The following PSG5 variants were observed in gnomAD, a reference collection of about 807,000 sequenced individuals.
PSG5 encodes the protein pregnancy-specific beta-1-glycoprotein 5.
In PSG5, 53 loss-of-function variants were observed where a neutral mutation model predicts 37.7. The ratio of observed to expected loss-of-function variants is 1.41; its 90% CI spans 1.13 to 1.77. The LOEUF (loss-of-function observed/expected upper bound fraction) is 1.77, where lower values mean the gene tolerates loss of function less well. PSG5 is among the 40% of genes most tolerant of loss of function. The pLI is 0.00. For missense variants in PSG5, 547 were observed against 405.2 expected (o/e 1.35, Z -3.00); for synonymous variants, 221 against 155.4 (o/e 1.42, Z -3.14).
intron 1 of PSG5, among the ~76,000 whole-genome samples, chr19:43,186,075 C>T (rs1966932838): frequency 6.6e-6 from 1 of 151,152 alleles, no homozygotes; most frequent in African/African-American, 2.4e-5. Context: ...CTCCCGGGTT[C>T]ATGTGATTTT....
In PSG5 at chr19:43,176,133, G is replaced by C. The variant is rs751814918; in HGVS notation, c.446C>G (p.Pro149Arg). ...TFNLYLKLPK[P>R]YITINNSKPR... ...TTTTGAGTTGTTGATGGTGATGTAGGGCTTGGGCAGCTTCACTGTGTGGAT... is the reference window on the plus strand; with the variant it reads ...TTTTGAGTTGTTGATGGTGATGTAGCGCTTGGGCAGCTTCACTGTGTGGAT... Residue 149 changes from proline to arginine, a missense_variant, in exon 3 of 6, where the codon CCC becomes CGC. Pro to Arg is a moderately radical substitution (Grantham distance 103). Coordinates refer to ENST00000342951, the MANE Select transcript of PSG5 (RefSeq NM_002781.4). The C allele has an allele frequency of 1.9e-5, 31 of 1,611,202 alleles. 1 individual carries two copies. The East Asian group carries it at 6.9e-4, about 36-fold the overall frequency.
Position 43,176,141 on chromosome 19 carries a change from C to G in PSG5, c.438G>C (p.Leu146=), listed in dbSNP as rs757091136. ...GYFTFNLYLK[L]PKPYITINNS... ...TGTTGATGGTGATGTAGGGCTTGGG[C>G]AGCTTCACTGTGTGGATAACAGAGA... Residue 146 remains leucine (L), a synonymous_variant, in exon 3 of 6, where the codon CTG becomes CTC. Coordinates refer to ENST00000342951, the MANE Select transcript of PSG5 (RefSeq NM_002781.4). 2 of 1,611,210 alleles carry G rather than the reference C, an allele frequency of 1.2e-6. No individual in the cohort carries two copies. The highest frequency in any genetic ancestry group is 1.7e-6 in the Non-Finnish European group (2 of 1,179,126).
intron 2 of PSG5, chr19:43,179,037 C>A: frequency 6.2e-7 from 1 of 1,612,692 alleles, no homozygotes; most frequent in Non-Finnish European, 8.5e-7. Flanking sequence ...GAGGCTCTGA[C>A]CATTCATCCA....
chr19:43,181,277 A>G (rs187427450), intron 2 of PSG5, among the ~76,000 whole-genome samples: 2 of 151,704 alleles, frequency 1.3e-5, no homozygotes, highest in Non-Finnish European at 2.9e-5. Context: ...AAAAATTGCT[A>G]TTGCCAAAAC....
At chr19:43,177,698 G>T (rs1349717751) in intron 2 of PSG5, among the ~76,000 whole-genome samples, 1 of 151,474 alleles carries the variant, frequency 6.6e-6, no homozygotes, top group Non-Finnish European at 1.5e-5. Flanking sequence ...TGTTGTGGCA[G>T]TCATTAATAA....
Position 43,175,754 on chromosome 19 carries a change from G to A in PSG5, c.709+116C>T, listed in dbSNP as rs1968994905. 2.6e-6 allele frequency: 4 copies of A among 1,544,276 alleles called. No homozygotes were observed. In the Admixed American group the frequency reaches 7.4e-5, roughly 29 times the overall value. On this transcript the variant is annotated intron_variant, in intron 3 of 5. Coordinates refer to ENST00000342951, the MANE Select transcript of PSG5 (RefSeq NM_002781.4). The stretch of plus-strand genomic sequence containing the variant: ...AGGGCAGGGAGTCATGGCCAGCTCA[G>A]ATGTCCAGAAATAAAGGTGTCTATA...
rs1875582607 is a variant in PSG5, at chr19:43,175,411, G to T, written c.768C>A (p.Asn256Lys). The T allele has an allele frequency of 2.5e-6, 4 of 1,612,740 alleles. No individual in the cohort carries two copies. Among genetic ancestry groups the T allele is most frequent in the Admixed American group, 1.7e-5 (1 of 59,908 alleles). ...PSFTYYRSGE[N>K]LYLSCFAESN... ...ATTCCGCGAAGCAGGACAAGTAGAG[G>T]TTTTCTCCTGAACGGTAATAGGTGA... The change falls in exon 4 of 6, where the codon AAC (asparagine) becomes AAA (lysine). Residue 256 changes from asparagine to lysine, a missense_variant. Asn to Lys is a moderately conservative substitution (Grantham distance 94). Transcript: ENST00000342951.
intron 4 of PSG5, among the ~76,000 whole-genome samples, chr19:43,173,207 T>C (rs1409307225): frequency 6.6e-6 from 1 of 151,564 alleles, no homozygotes; most frequent in African/African-American, 2.4e-5. Flanking sequence ...ACACCATGCA[T>C]AAAAATTAAC....
rs1289616448 is a variant in PSG5, at chr19:43,184,944, T to A, written c.268A>T (p.Ile90Leu). ...CGTCCAGTGTATGCAGGCCCATATA[T>A]ATTTATTTGACCGTCTACTACATAT... ...TSYVVDGQIN[I>L]YGPAYTGRET... is the part of the protein sequence containing the mutation. Residue 90 changes from isoleucine to leucine, a missense_variant, in exon 2 of 6, where the codon ATA (isoleucine) becomes TTA (leucine). Transcript: ENST00000342951. The A allele has an allele frequency of 6.2e-7, 1 of 1,612,316 alleles. No homozygotes were observed. The highest frequency in any genetic ancestry group is 8.5e-7 in the Non-Finnish European group (1 of 1,179,134).
Position 43,185,030 on chromosome 19 carries a change from T to G in PSG5, c.182A>C (p.Asn61Thr), listed in dbSNP as rs567836216. The G allele has an allele frequency of 1.6e-5, 26 of 1,612,612 alleles. 1 individual carries two copies. The South Asian group carries it at 2.6e-4, about 16-fold the overall frequency. ...VLLLVHNLPQ[N>T]LAGYIWYKGQ... is the part of the protein sequence containing the mutation. ...TTTGTACCAGATGTAGCCAGCAAGA[T>G]TCTGAGGCAAATTGTGGACAAGTAG... The change falls in exon 2 of 6, where the codon AAT becomes ACT. Residue 61 changes from asparagine (N) to threonine (T), a missense_variant. Coordinates refer to ENST00000342951, the MANE Select transcript of PSG5 (RefSeq NM_002781.4).
chr19:43,176,129 G>A lies in PSG5; in HGVS notation c.450C>T (p.Tyr150=), dbSNP rs766655664. The A allele has an allele frequency of 6.2e-7, 1 of 1,611,388 alleles. No individual in the cohort carries two copies. The highest frequency in any genetic ancestry group is 2.2e-5 in the East Asian group (1 of 44,866). ...FNLYLKLPKP[Y]ITINNSKPRE... ...TGGGTTTTGAGTTGTTGATGGTGATGTAGGGCTTGGGCAGCTTCACTGTGT... is the reference window on the plus strand; with the variant it reads ...TGGGTTTTGAGTTGTTGATGGTGATATAGGGCTTGGGCAGCTTCACTGTGT... The change falls in exon 3 of 6, where the codon TAC becomes TAT. Residue 150 remains tyrosine, a synonymous_variant. Coordinates refer to ENST00000342951, the MANE Select transcript of PSG5 (RefSeq NM_002781.4).
intron 2 of PSG5, among the ~76,000 whole-genome samples, chr19:43,179,368 T>G (rs912314087): frequency 7.9e-5 from 12 of 151,556 alleles, no homozygotes; most frequent in Non-Finnish European, 1.5e-4. Context: ...AGTACAGGCT[T>G]TCTCAAGTGT....
chr19:43,185,633 T>C (rs906077754), intron 1 of PSG5, among the ~76,000 whole-genome samples: 8 of 151,644 alleles, frequency 5.3e-5, no homozygotes, highest in African/African-American at 1.7e-4. Context: ...GCGTGAGCTC[T>C]GTGAGGACAG....
In PSG5 at chr19:43,186,515, C is replaced by G. The variant is rs12610783; in HGVS notation, c.-110G>C. On this transcript the variant is annotated 5_prime_UTR_variant, in exon 1 of 6. Coordinates refer to ENST00000342951, the MANE Select transcript of PSG5 (RefSeq NM_002781.4). ...CTTCCTCCTTCTGTGCTGAGCCTCT[C>G]TCCAGGGCAGGAGCACTTCTCAGGC... The G allele has an allele frequency of 1.8e-5, 28 of 1,522,650 alleles. 1 individual carries two copies. Among genetic ancestry groups the G allele is most frequent in the Non-Finnish European group, 2.5e-5 (28 of 1,128,232 alleles). 94.3% of individuals were successfully genotyped at this position (1,522,650 alleles called of 1,614,324 possible).
intron 4 of PSG5, among the ~76,000 whole-genome samples, chr19:43,172,606 A>G (rs1207878257): frequency 6.6e-6 from 1 of 151,716 alleles, no homozygotes; most frequent in Non-Finnish European, 1.5e-5. Context: ...CTGAAGGGAA[A>G]TTAAGAAAAA....
At chr19:43,183,158 G>C in intron 2 of PSG5, 1 of 253,692 alleles carries the variant, frequency 3.9e-6, no homozygotes, top group Non-Finnish European at 7.8e-6. Context: ...TGACTTCAGA[G>C]ACCCCAGGGA....
At chr19:43,180,628 A>G (rs996305739) in intron 2 of PSG5, 3 of 151,698 alleles carry the variant, frequency 2.0e-5, no homozygotes, top group Non-Finnish European at 2.9e-5. Context: ...AGGAAACATT[A>G]AAATGTTTTC....
In PSG5 at chr19:43,186,467, G is replaced by T. The variant is rs958116716; in HGVS notation, c.-62C>A. The stretch of plus-strand genomic sequence containing the variant: ...AGCCTAGGATCCAGAAACTTCCTGA[G>T]CACGGCTGTAGGCTGTGCTGTCCTT... On this transcript the variant is annotated 5_prime_UTR_variant, in exon 1 of 6. Transcript: ENST00000342951. 3.7e-6 allele frequency: 6 copies of T among 1,605,730 alleles called. 1 individual carries two copies. Among genetic ancestry groups the T allele is most frequent in the African/African-American group, 1.3e-5 (1 of 74,280 alleles).
At chr19:43,181,330 T>C (rs2069030746) in intron 2 of PSG5, among the ~76,000 whole-genome samples, 2 of 151,718 alleles carry the variant, frequency 1.3e-5, no homozygotes, top group Non-Finnish European at 1.5e-5. Context: ...CCACTTTTTT[T>C]CCCCCACTCT....
Sources: gnomAD v4.1 joint callset for allele counts (sites outside exome capture counted in the v4.1 genomes callset) on GRCh38, gnomAD v4.1.1 for gene constraint, MANE v1.5 for transcripts, NCBI Gene and HGNC (gene_info 2026-07-23, HGNC 2026-07-21) for gene names.